The following PRMT2 variants were observed in gnomAD, a reference collection of about 807,000 sequenced individuals.
The protein encoded by PRMT2 is protein arginine methyltransferase 2.
Under a neutral mutation model 57.6 loss-of-function variants are expected in PRMT2, and 26 were observed. The observed-to-expected ratio is 0.45, with a 90% CI of 0.33 to 0.63. The LOEUF (loss-of-function observed/expected upper bound fraction) is 0.63, where lower values mean the gene tolerates loss of function less well. Ranked by LOEUF, PRMT2 falls within the 20% of genes least tolerant of loss-of-function variation. The pLI, the probability that PRMT2 is intolerant of heterozygous loss-of-function variation, is 0.02. For missense variants in PRMT2, 472 were observed against 564.4 expected (o/e 0.84, Z 1.66); for synonymous variants, 219 against 220.0 (o/e 1.00, Z 0.04).
At chr21:46,652,353 T>C in intron 7 of PRMT2, 5 of 1,119,460 alleles carry the variant, frequency 4.5e-6, no homozygotes, top group Non-Finnish European at 5.5e-6. Context: ...TAAAAACTAT[T>C]AAATGGTAAA....
At chr21:46,654,765 A>T in intron 7 of PRMT2, 1 of 274,890 alleles carries the variant, frequency 3.6e-6, no homozygotes, top group Non-Finnish European at 5.5e-6. Context: ...TGTAGCCTGT[A>T]TGTAAAAACC....
chr21:46,649,296 G>T lies in PRMT2; in HGVS notation c.490-279G>T, dbSNP rs1178465000. ...GTCATGGATTAAGATTGCTGTGCGT[G>T]TGGCAGCCGGCTCGGGCATGCGAGT... On this transcript the variant is annotated intron_variant, in intron 6 of 11. Transcript: ENST00000355680. The surrounding 1 kb of genome is among the most constrained non-coding windows in gnomAD (Gnocchi z 4.8). Among the ~76,000 whole-genome samples the T allele has an allele frequency of 6.6e-6, 1 of 152,236 alleles. No homozygotes were observed. The highest frequency in any genetic ancestry group is 1.5e-5 in the Non-Finnish European group (1 of 68,038).
At chr21:46,651,612 TC>T (rs988120501) in intron 7 of PRMT2, among the ~76,000 whole-genome samples, 7 of 151,384 alleles carry the variant, frequency 4.6e-5, no homozygotes. Flanking sequence ...GACTTCAGAC[TC>T]CCCCCCAGGG....
At position 46,644,499 on chromosome 21, in the gene PRMT2, C is replaced by T. The variant is rs202026392; in HGVS notation, c.327+11C>T. On this transcript the variant is annotated intron_variant, in intron 5 of 11. Transcript: ENST00000355680. ...AGCTATGGAACTCTGGTATTGCTTT[C>T]TAAATTCCCTGTTCAGCTGGCCAGG... The T allele has an allele frequency of 2.6e-6, 4 of 1,567,046 alleles. No homozygotes were observed. The highest frequency in any genetic ancestry group is 3.5e-6 in the Non-Finnish European group (4 of 1,159,132).
chr21:46,646,801 A>G (rs2061372458), intron 5 of PRMT2, among the ~76,000 whole-genome samples: 1 of 152,144 alleles, frequency 6.6e-6, no homozygotes, highest in African/African-American at 2.4e-5. Context: ...CTAATTATAC[A>G]CTTGGTCTGT....
chr21:46,651,511 T>A (rs1245568522), intron 7 of PRMT2, among the ~76,000 whole-genome samples: 1 of 151,112 alleles, frequency 6.6e-6, no homozygotes, highest in African/African-American at 2.4e-5. Context: ...AGTGCTGGGG[T>A]GAGTCAGACA....
At position 46,652,055 on chromosome 21, in the gene PRMT2, T is replaced by A. The variant is rs903387275; in HGVS notation, c.654+2316T>A. The A allele has an allele frequency of 7.5e-6, 12 of 1,608,574 alleles. 1 individual carries two copies. In the Middle Eastern group the frequency reaches 6.6e-4, roughly 88 times the overall value. On this transcript the variant is annotated intron_variant, in intron 7 of 11. Transcript: ENST00000355680. Reference sequence around the variant, plus strand: ...AAGACAGAGAAGAGTGCATGTGCGTTTAGCATAGGAGGGGCAGCTTTCAGT... The same window carrying A: ...AAGACAGAGAAGAGTGCATGTGCGTATAGCATAGGAGGGGCAGCTTTCAGT...
At chr21:46,643,967 G>A (rs558372923) in intron 4 of PRMT2, among the ~76,000 whole-genome samples, 47 of 152,312 alleles carry the variant, frequency 3.1e-4, no homozygotes, top group Non-Finnish European at 5.9e-4. Flanking sequence ...TGTTTACTTT[G>A]TGACAGGAAT....
intron 5 of PRMT2, among the ~76,000 whole-genome samples, chr21:46,646,707 A>G (rs1363787048): frequency 2.0e-5 from 3 of 152,188 alleles, no homozygotes; most frequent in Non-Finnish European, 4.4e-5. Flanking sequence ...TCTATAGGGT[A>G]AATTCCTACG....
In PRMT2 at chr21:46,644,420, C is replaced by A; in HGVS notation, c.259C>A (p.His87Asn). 2 of 1,612,546 alleles carry A rather than the reference C, an allele frequency of 1.2e-6. No homozygotes were observed. The highest frequency in any genetic ancestry group is 1.7e-6 in the Non-Finnish European group (2 of 1,179,376). ...GYIPANHVGK[H>N]VDEYDPEDTW... ...CATTCCGGCAAACCATGTGGGGAAG[C>A]ACGTGGATGAGTACGACCCCGAGGA... Residue 87 changes from histidine (H) to asparagine (N), a missense_variant, in exon 5 of 12, where the codon CAC (histidine) becomes AAC (asparagine). By Grantham distance (68) the His-to-Asn change is moderately conservative. Around this residue, in one of 2 missense-constraint regions of PRMT2, gnomAD observed 243 missense variants for 347.2 expected, o/e 0.70. Coordinates refer to ENST00000355680, the MANE Select transcript of PRMT2 (RefSeq NM_206962.4).
In PRMT2 at chr21:46,660,932, C is replaced by T; in HGVS notation, c.930C>T (p.Asp310=). The change falls in exon 9 of 12, where the codon GAC becomes GAT. Residue 310 remains aspartate, a synonymous_variant. Coordinates refer to ENST00000355680, the MANE Select transcript of PRMT2 (RefSeq NM_206962.4). ...LSEPCTILQL[D]MRTVQISDLE... ...AACCGTGCACTATATTGCAGTTGGA[C>T]ATGAGAACCGTGCAAATTTCTGATC... 6.2e-7 allele frequency: 1 copy of T among 1,613,278 alleles called. No homozygotes were observed. The highest frequency in any genetic ancestry group is 8.5e-7 in the Non-Finnish European group (1 of 1,179,418).
At chr21:46,663,062 G>A (rs1248134326) in intron 10 of PRMT2, among the ~76,000 whole-genome samples, 1 of 152,204 alleles carries the variant, frequency 6.6e-6, no homozygotes, top group African/African-American at 2.4e-5. Context: ...GCCACCCAGG[G>A]TGAGCCGTCC....
At position 46,664,725 on chromosome 21, in the gene PRMT2, G is replaced by A. The variant is rs897459991; in HGVS notation, c.*398G>A. ...ACTGTCCCCACCTCCTATGTTAGTG[G>A]TGCCCTTACTGCCGTCGCTCATCCA... On this transcript the variant is annotated 3_prime_UTR_variant, in exon 12 of 12. Transcript: ENST00000355680. 1.6e-5 allele frequency: 4 copies of A among 251,238 alleles called. No homozygotes were observed. Among genetic ancestry groups the A allele is most frequent in the Admixed American group, 9.5e-5 (2 of 20,950 alleles). The allele number at this position is 251,238 out of a possible 1,614,324, so 15.6% of individuals were successfully genotyped here. A position where few individuals can be genotyped will look rare whatever the true frequency, so the allele number is the denominator to read the frequency against.
At chr21:46,664,226 T>G in intron 11 of PRMT2, 69 bp from the exon 12 acceptor site, 1 of 1,340,788 alleles carries the variant, frequency 7.5e-7, no homozygotes, top group Non-Finnish European at 1.1e-6. Flanking sequence ...TATTAAACCA[T>G]TAGGAAATGT....
At chr21:46,653,097 C>T (rs1329353565) in intron 7 of PRMT2, 24 of 1,032,398 alleles carry the variant, frequency 2.3e-5, no homozygotes, top group East Asian at 9.5e-5. Context: ...TATTATATTC[C>T]GTTATTCTCT....
At chr21:46,659,717 C>G in intron 8 of PRMT2, 1 of 964,898 alleles carries the variant, frequency 1.0e-6, no homozygotes, top group Non-Finnish European at 1.2e-6. Context: ...GGCTGCCCAC[C>G]CCAGTCACTG....
chr21:46,653,048 T>C, intron 7 of PRMT2: 1 of 1,104,624 alleles, frequency 9.1e-7, no homozygotes, highest in South Asian at 2.1e-5. Flanking sequence ...AGTCTTACTG[T>C]TGTTAGTGTA....
chr21:46,650,798 G>A (rs75627902), intron 7 of PRMT2, among the ~76,000 whole-genome samples: 8,720 of 152,236 alleles, frequency 0.057, 475 homozygotes, highest in South Asian at 0.14. Flanking sequence ...TGGGTGAGAG[G>A]GACACAGGAG....
At chr21:46,645,880 C>T (rs979846467) in intron 5 of PRMT2, among the ~76,000 whole-genome samples, 1 of 152,030 alleles carries the variant, frequency 6.6e-6, no homozygotes, top group East Asian at 1.9e-4. Context: ...CCATGCCTGG[C>T]TAATTTTTGT....
Sources: allele counts gnomAD v4.1 joint callset (sites outside exome capture counted in the v4.1 genomes callset), GRCh38; gene constraint gnomAD v4.1.1; regional missense constraint gnomAD v4.1.1; non-coding constraint Gnocchi (gnomAD v3.1); transcripts MANE v1.5; gene names NCBI Gene and HGNC (gene_info 2026-07-23, HGNC 2026-07-21).